The following BICD1 variants were observed in gnomAD, a reference collection of about 807,000 sequenced individuals.
The protein encoded by BICD1 is protein bicaudal D homolog 1.
A neutral mutation model predicts 92.5 loss-of-function variants in BICD1; 35 were observed. That is an observed-to-expected ratio of 0.38 (90% confidence interval 0.29 to 0.50). The LOEUF (loss-of-function observed/expected upper bound fraction) is 0.50. Among genes scored for constraint, BICD1 ranks in the 20% least tolerant of loss-of-function variants. BICD1 has a pLI of 0.93. For missense variants in BICD1, 950 were observed against 1,189.8 expected (o/e 0.80, Z 2.97); for synonymous variants, 429 against 465.1 (o/e 0.92, Z 1.00).
At chr12:32,228,634 G>T (rs1270946177) in intron 2 of BICD1, among the ~76,000 whole-genome samples, 2 of 152,154 alleles carry the variant, frequency 1.3e-5, no homozygotes, top group Non-Finnish European at 2.9e-5. Context: ...GGGTAGAAGT[G>T]GTGAAAAGTA....
At chr12:32,197,930 G>T (rs911680871) in intron 1 of BICD1, among the ~76,000 whole-genome samples, 1 of 151,860 alleles carries the variant, frequency 6.6e-6, no homozygotes, top group African/African-American at 2.4e-5. Flanking sequence ...AAATTGCCAG[G>T]CACCGTGGCT....
At chr12:32,283,079 G>A (rs1446882002) in intron 2 of BICD1, among the ~76,000 whole-genome samples, 1 of 152,132 alleles carries the variant, frequency 6.6e-6, no homozygotes, top group African/African-American at 2.4e-5. Flanking sequence ...ATATCTCCTT[G>A]GGGTTTTTTT....
intron 8 of BICD1, chr12:32,339,946 T>G: frequency 2.5e-6 from 2 of 810,776 alleles, no homozygotes; most frequent in Non-Finnish European, 3.0e-6. Flanking sequence ...GTTGGAGCTC[T>G]GTAGTGGCTG....
At chr12:32,346,572 A>G (rs1233548950) in intron 8 of BICD1, among the ~76,000 whole-genome samples, 3 of 45,448 alleles carry the variant, frequency 6.6e-5, no homozygotes, top group African/African-American at 4.3e-4. Context: ...ATATATATAT[A>G]TATATATATA....
At chr12:32,277,777 C>G (rs1947315884) in intron 2 of BICD1, among the ~76,000 whole-genome samples, 1 of 152,188 alleles carries the variant, frequency 6.6e-6, no homozygotes, top group South Asian at 2.1e-4. Context: ...CCTTTCTGTA[C>G]CTTTCCTTTC....
chr12:32,377,732 A>C lies in BICD1; in HGVS notation c.*105A>C. The C allele has an allele frequency of 1.0e-6, 1 of 982,342 alleles. No individual in the cohort carries two copies. The highest frequency in any genetic ancestry group is 1.6e-6 in the Non-Finnish European group (1 of 621,292). The allele number at this position is 982,342 out of a possible 1,614,324, so 60.9% of individuals were successfully genotyped here. On this transcript the variant is annotated 3_prime_UTR_variant, in exon 10 of 10. Transcript: ENST00000652176. ...TTTTCTTCTCGGTTGTTAGATGTAC[A>C]ATTGGATTAATGTCCATCGTTTTGG... is the stretch of plus-strand genomic sequence containing the variant.
chr12:32,277,764 C>T (rs1302041715), intron 2 of BICD1, among the ~76,000 whole-genome samples: 1 of 152,070 alleles, frequency 6.6e-6, no homozygotes, highest in Non-Finnish European at 1.5e-5. Flanking sequence ...ATATTAATTC[C>T]CCCCTTTCTG....
Position 32,328,632 on chromosome 12 carries a change from C to A in BICD1, c.2100+77C>A. The A allele has an allele frequency of 2.0e-6, 3 of 1,517,440 alleles. No individual in the cohort carries two copies. The highest frequency in any genetic ancestry group is 2.7e-6 in the Non-Finnish European group (3 of 1,130,956). The allele number at this position is 1,517,440 out of a possible 1,614,324, so 94.0% of individuals were successfully genotyped here. On this transcript the variant is annotated intron_variant, in intron 5 of 9. Transcript: ENST00000652176. The surrounding 1 kb of genome is among the most constrained non-coding windows in gnomAD (Gnocchi z 4.4). The stretch of plus-strand genomic sequence containing the variant: ...TTTATTCCCTAATTTTATTGAGTAT[C>A]GAGTATCGTCAAGATGAGAGTTCAG...
At chr12:32,307,516 G>C (rs994427329) in intron 4 of BICD1, among the ~76,000 whole-genome samples, 2 of 151,894 alleles carry the variant, frequency 1.3e-5, no homozygotes, top group Non-Finnish European at 2.9e-5. Context: ...CTAGAAATCT[G>C]GTATAACAAG....
chr12:32,205,082 T>C (rs1945009791), intron 1 of BICD1, among the ~76,000 whole-genome samples: 1 of 152,228 alleles, frequency 6.6e-6, no homozygotes, highest in South Asian at 2.1e-4. Context: ...TGAGGTTATT[T>C]AAGAATGAAA....
chr12:32,338,061 A>C, intron 7 of BICD1: 1 of 439,294 alleles, frequency 2.3e-6, no homozygotes. Flanking sequence ...TATAATTTTC[A>C]AGTGTCTGTT....
chr12:32,146,789 C>T (rs75560978), intron 1 of BICD1, among the ~76,000 whole-genome samples: 14,562 of 149,468 alleles, frequency 0.097, 976 homozygotes, highest in Middle Eastern at 0.21. Flanking sequence ...CCTTCTGCTT[C>T]TCTTTCTCCC....
At chr12:32,336,227 C>T (rs1938116002) in intron 6 of BICD1, among the ~76,000 whole-genome samples, 2 of 152,140 alleles carry the variant, frequency 1.3e-5, no homozygotes, top group East Asian at 3.9e-4. Flanking sequence ...TAAATAAACT[C>T]AGAAAAAAAA....
intron 1 of BICD1, among the ~76,000 whole-genome samples, chr12:32,173,170 C>G (rs1943998830): frequency 6.6e-6 from 1 of 152,176 alleles, no homozygotes; most frequent in Non-Finnish European, 1.5e-5. Context: ...GCCTCAGCCT[C>G]CTGAGTAGCT....
chr12:32,289,148 G>A (rs1347913390), intron 2 of BICD1, among the ~76,000 whole-genome samples: 1 of 152,184 alleles, frequency 6.6e-6, no homozygotes, highest in Non-Finnish European at 1.5e-5. Flanking sequence ...GGGCAGAGTG[G>A]TTGGAGACAG....
chr12:32,294,761 G>A (rs1245875984), intron 3 of BICD1, among the ~76,000 whole-genome samples: 1 of 151,458 alleles, frequency 6.6e-6, no homozygotes, highest in East Asian at 1.9e-4. Context: ...AATGGATTAT[G>A]AAGTATAAAT....
At chr12:32,319,602 C>G (rs924112575) in intron 4 of BICD1, among the ~76,000 whole-genome samples, 1 of 147,556 alleles carries the variant, frequency 6.8e-6, no homozygotes, top group Non-Finnish European at 1.5e-5. Flanking sequence ...TTTTTTGAAA[C>G]AGTCTTGGTC....
chr12:32,225,808 G>C (rs12422893), intron 2 of BICD1, among the ~76,000 whole-genome samples: 1 of 151,676 alleles, frequency 6.6e-6, no homozygotes, highest in African/African-American at 2.4e-5. Flanking sequence ...TTTTAGTAGA[G>C]ACGAGGTTTC....
intron 4 of BICD1, among the ~76,000 whole-genome samples, chr12:32,317,888 A>G (rs1247806240): frequency 6.6e-6 from 1 of 152,026 alleles, no homozygotes; most frequent in East Asian, 1.9e-4. Flanking sequence ...TAATTTTTGT[A>G]TAAGGTGTAA....
Sources: gnomAD v4.1 joint callset for allele counts (sites outside exome capture counted in the v4.1 genomes callset) on GRCh38, gnomAD v4.1.1 for gene constraint, Gnocchi (gnomAD v3.1) non-coding constraint, MANE v1.5 for transcripts, NCBI Gene and HGNC (gene_info 2026-07-23, HGNC 2026-07-21) for gene names.